CSGALNACT2: variants seen among roughly 807,000 people sequenced by gnomAD.
CSGALNACT2 encodes the protein beta 4 GalNAcT-2.
CSGALNACT2 carries 35 observed loss-of-function variants against 55.3 expected under a neutral mutation model. The ratio of observed to expected loss-of-function variants is 0.63; its 90% confidence interval spans 0.48 to 0.84. CSGALNACT2 has a LOEUF of 0.84. Ranked by LOEUF, CSGALNACT2 falls within the 40% of genes least tolerant of loss-of-function variation. The probability of loss-of-function intolerance (pLI) is 0.00; values close to 1 mark genes in which losing one functional copy is unlikely to be tolerated. For synonymous variants in CSGALNACT2, 196 were observed against 224.9 expected, an observed-to-expected ratio of 0.87 and a Z score of 1.15; for missense variants, 544 against 657.5, an observed-to-expected ratio of 0.83 and a Z score of 1.89.
intron 7 of CSGALNACT2, among the ~76,000 whole-genome samples, chr10:43,182,892 AAAAAAG>A (rs913461140): frequency 3.3e-5 from 5 of 152,040 alleles, no homozygotes; most frequent in African/African-American, 1.2e-4. Flanking sequence ...AAAACAAAAA[AAAAAAG>A]AAAACATAAA....
chr10:43,140,435 A>G (rs577953116), intron 1 of CSGALNACT2, among the ~76,000 whole-genome samples: 2 of 152,340 alleles, frequency 1.3e-5, no homozygotes, highest in East Asian at 3.9e-4. Flanking sequence ...TTAAAAAAGC[A>G]TAACTATTAT....
At chr10:43,157,535 C>T (rs1039977511) in intron 2 of CSGALNACT2, among the ~76,000 whole-genome samples, 4 of 152,180 alleles carry the variant, frequency 2.6e-5, no homozygotes, top group African/African-American at 9.7e-5. Flanking sequence ...CTTCTGTGTG[C>T]TCTTGTCACC....
chr10:43,145,565 C>T (rs753854808), intron 1 of CSGALNACT2, among the ~76,000 whole-genome samples: 1 of 151,806 alleles, frequency 6.6e-6, no homozygotes, highest in African/African-American at 2.4e-5. Context: ...TGCATCGCCA[C>T]GCCTGGCTAA....
chr10:43,147,257 G>T (rs1044234607), intron 1 of CSGALNACT2, among the ~76,000 whole-genome samples: 37 of 152,072 alleles, frequency 2.4e-4, no homozygotes, highest in African/African-American at 8.7e-4. Context: ...TTACAGGCGT[G>T]AGCCACCGCG....
chr10:43,177,161 C>A (rs1458915811), intron 7 of CSGALNACT2, among the ~76,000 whole-genome samples: 1 of 152,104 alleles, frequency 6.6e-6, no homozygotes, highest in Non-Finnish European at 1.5e-5. Context: ...TGCTCTTTTC[C>A]TTGATTTCTT....
intron 7 of CSGALNACT2, among the ~76,000 whole-genome samples, chr10:43,178,184 C>G (rs1018870826): frequency 6.6e-6 from 1 of 152,218 alleles, no homozygotes; most frequent in Admixed American, 6.5e-5. Context: ...ATAGTCATCT[C>G]TCAGTACCTG....
chr10:43,167,046 C>T lies in CSGALNACT2; in HGVS notation c.1202C>T (p.Pro401Leu). 2 of 1,613,078 alleles carry T rather than the reference C, an allele frequency of 1.2e-6. No homozygotes were observed. Among genetic ancestry groups the T allele is most frequent in the Non-Finnish European group, 1.7e-6 (2 of 1,179,204 alleles). The change falls in exon 6 of 8, where the codon CCT (proline) becomes CTT (leucine). Residue 401 changes from proline (P) to leucine (L), a missense_variant. This residue lies in a region of CSGALNACT2 where 170 missense variants were observed against 256.2 expected (regional missense o/e 0.66). Transcript: ENST00000374466. Reference protein sequence around the residue: ...FYPVVFSLYNPAIVYANQEVP... With the variant: ...FYPVVFSLYNLAIVYANQEVP... ...CCTGTGGTGTTCAGTCTTTACAATC[C>T]TGCCATTGTTTATGCCAACCAGGAA...
At chr10:43,167,909 A>G (rs1839300365) in intron 6 of CSGALNACT2, among the ~76,000 whole-genome samples, 1 of 152,166 alleles carries the variant, frequency 6.6e-6, no homozygotes, top group Admixed American at 6.5e-5. Context: ...CAAGGAAAGT[A>G]ATAAAGGCAG....
intron 5 of CSGALNACT2, among the ~76,000 whole-genome samples, chr10:43,165,744 A>G (rs1294270719): frequency 4.6e-5 from 7 of 152,172 alleles, no homozygotes; most frequent in Non-Finnish European, 8.8e-5. Flanking sequence ...TAATCCCAGC[A>G]CTTTGGGAGG....
intron 6 of CSGALNACT2, among the ~76,000 whole-genome samples, chr10:43,169,760 A>G (rs1034544505): frequency 1.3e-5 from 2 of 152,266 alleles, no homozygotes; most frequent in East Asian, 3.8e-4. Context: ...GGACAATTCT[A>G]ATAGCTTCCA....
chr10:43,183,267 G>A lies in CSGALNACT2; in HGVS notation c.1354G>A (p.Val452Met). ...FLTIGGFDME[V>M]KGWGGEDVHL... ...TCTTACAGGTGGATTTGACATGGAAGTGAAAGGTTGGGGTGGAGAAGATGT... is the reference window on the plus strand; with the variant it reads ...TCTTACAGGTGGATTTGACATGGAAATGAAAGGTTGGGGTGGAGAAGATGT... The change falls in exon 8 of 8, where the codon GTG becomes ATG. Residue 452 changes from valine (V) to methionine (M), a missense_variant. Physicochemically the swap from Val to Met is conservative, Grantham distance 21. Around this residue, in one of 2 missense-constraint regions of CSGALNACT2, gnomAD observed 170 missense variants for 256.2 expected, o/e 0.66. Transcript: ENST00000374466. The A allele has an allele frequency of 6.2e-7, 1 of 1,613,394 alleles. No homozygotes were observed. Among genetic ancestry groups the A allele is most frequent in the East Asian group, 2.2e-5 (1 of 44,876 alleles).
chr10:43,145,410 C>CTTTTTTTTTTTTTTTTT (rs71016727), intron 1 of CSGALNACT2, among the ~76,000 whole-genome samples: 2 of 99,400 alleles, frequency 2.0e-5, no homozygotes, highest in African/African-American at 3.9e-5. Flanking sequence ...TTGTTTGTTT[C>CTTTTTTTTTTTTTTTTT]TTTTTTTTTT....
chr10:43,171,714 T>G (rs943181032), intron 6 of CSGALNACT2, among the ~76,000 whole-genome samples: 7 of 152,178 alleles, frequency 4.6e-5, no homozygotes, highest in African/African-American at 1.7e-4. Context: ...TGAATGCTGA[T>G]TCATTCTAGG....
chr10:43,151,380 A>T (rs1588895016), intron 1 of CSGALNACT2, among the ~76,000 whole-genome samples: 1 of 152,184 alleles, frequency 6.6e-6, no homozygotes, highest in Non-Finnish European at 1.5e-5. Context: ...TATTGGCAGG[A>T]TTAGTGCCAT....
intron 5 of CSGALNACT2, among the ~76,000 whole-genome samples, chr10:43,165,354 A>G (rs1839240855): frequency 6.6e-6 from 1 of 152,172 alleles, no homozygotes; most frequent in African/African-American, 2.4e-5. Flanking sequence ...AGTAGCATTA[A>G]AAAATGTTCT....
At chr10:43,179,495 T>C (rs1839549836) in intron 7 of CSGALNACT2, among the ~76,000 whole-genome samples, 1 of 152,174 alleles carries the variant, frequency 6.6e-6, no homozygotes, top group African/African-American at 2.4e-5. Flanking sequence ...CCTCTGCTGT[T>C]GCTCCTCAGG....
chr10:43,183,172 C>A, intron 7 of CSGALNACT2, 78 bp from the exon 8 acceptor site: 1 of 1,131,472 alleles, frequency 8.8e-7, no homozygotes, highest in Non-Finnish European at 1.3e-6. Flanking sequence ...TGAAGCAGAA[C>A]ATTTAAAATT....
rs1010448982 is a variant in CSGALNACT2, at chr10:43,163,455, A to T, written c.981-411A>T. On this transcript the variant is annotated intron_variant, in intron 4 of 7. Coordinates refer to ENST00000374466, the MANE Select transcript of CSGALNACT2 (RefSeq NM_018590.5). ...TGCTTCTCAAGTAGTATTAGGGAGG[A>T]TCCCTCTGATAAGGCGACATGTGTG... 4.3e-6 allele frequency: 4 copies of T among 922,092 alleles called. No individual in the cohort carries two copies. The South Asian group carries it at 2.0e-4, about 46-fold the overall frequency. The allele number at this position is 922,092 out of a possible 1,614,324, so 57.1% of individuals were successfully genotyped here.
At chr10:43,156,582 C>T (rs1332519256) in intron 2 of CSGALNACT2, among the ~76,000 whole-genome samples, 2 of 152,232 alleles carry the variant, frequency 1.3e-5, no homozygotes, top group African/African-American at 4.8e-5. Flanking sequence ...TGGTCCCCAG[C>T]CTTTTTGGCA....
Sources: gnomAD v4.1 joint callset for allele counts (sites outside exome capture counted in the v4.1 genomes callset) on GRCh38, gnomAD v4.1.1 for gene constraint, gnomAD v4.1.1 regional missense constraint, MANE v1.5 for transcripts, NCBI Gene and HGNC (gene_info 2026-07-23, HGNC 2026-07-21) for gene names.